The following LPAR1 variants were observed in gnomAD, a reference collection of about 807,000 sequenced individuals.
LPAR1 encodes lysophosphatidic acid receptor 1.
LPAR1 carries 5 observed loss-of-function variants against 23.8 expected under a neutral mutation model. The observed-to-expected ratio is 0.21, with a 90% CI of 0.11 to 0.44. The LOEUF is 0.44. Among genes scored for constraint, LPAR1 ranks in the 20% least tolerant of loss-of-function variants. LPAR1 has a pLI of 0.99. For missense variants in LPAR1, 311 were observed against 482.8 expected (o/e 0.64, Z 3.33); for synonymous variants, 160 against 164.7 (o/e 0.97, Z 0.22).
chr9:110,925,949 C>G (rs10980635), intron 5 of LPAR1, among the ~76,000 whole-genome samples: 45,813 of 151,962 alleles, frequency 0.3, 8,595 homozygotes, highest in Non-Finnish European at 0.43. Context: ...GAGTTGGACT[C>G]TCGCTCTGTC....
At chr9:110,961,617 C>CAAAAAAAAA (rs57773067) in intron 4 of LPAR1, among the ~76,000 whole-genome samples, 17 of 79,834 alleles carry the variant, frequency 2.1e-4, no homozygotes, top group Admixed American at 3.0e-4. Flanking sequence ...GAGACTATCT[C>CAAAAAAAAA]AAAAAAAAAA....
chr9:110,877,587 G>A (rs1425655261), intron 5 of LPAR1, among the ~76,000 whole-genome samples: 1 of 152,170 alleles, frequency 6.6e-6, no homozygotes, highest in Non-Finnish European at 1.5e-5. Flanking sequence ...AGCCAGGAAG[G>A]GAATTATTCT....
chr9:110,919,365 C>A (rs895087260), intron 5 of LPAR1, among the ~76,000 whole-genome samples: 1 of 152,086 alleles, frequency 6.6e-6, no homozygotes, highest in African/African-American at 2.4e-5. Flanking sequence ...CTTCCCTAGT[C>A]GAGCCTCCAC....
intron 5 of LPAR1, among the ~76,000 whole-genome samples, chr9:110,904,909 A>G (rs1259438585): frequency 6.6e-6 from 1 of 152,212 alleles, no homozygotes; most frequent in Non-Finnish European, 1.5e-5. Flanking sequence ...TGTATGACAC[A>G]CTCCAAGCTC....
At position 110,971,946 on chromosome 9, in the gene LPAR1, A is replaced by G. The variant is rs1410606490; in HGVS notation, c.45+127T>C. 8 of 810,236 alleles carry G rather than the reference A, an allele frequency of 9.9e-6. No homozygotes were observed. The East Asian group carries it at 1.7e-4, about 18-fold the overall frequency. The allele number at this position is 810,236 out of a possible 1,614,324, so 50.2% of individuals were successfully genotyped here. A position where few individuals can be genotyped will look rare whatever the true frequency, so the allele number is the denominator to read the frequency against. On this transcript the variant is annotated intron_variant, in intron 4 of 5. Coordinates refer to ENST00000683809, the MANE Select transcript of LPAR1 (RefSeq NM_001351411.2). ...CACTCACAAAAGCACCATTATTCGA[A>G]TACACACCAAATGATAGCGAGAGAG...
chr9:110,927,134 G>A (rs2094102077), intron 5 of LPAR1, among the ~76,000 whole-genome samples: 1 of 152,154 alleles, frequency 6.6e-6, no homozygotes, highest in African/African-American at 2.4e-5. Flanking sequence ...TAAGTGGATT[G>A]CCCAAAGTCA....
At chr9:110,918,117 T>G (rs558016230) in intron 5 of LPAR1, among the ~76,000 whole-genome samples, 1 of 152,182 alleles carries the variant, frequency 6.6e-6, no homozygotes, top group African/African-American at 2.4e-5. Context: ...GATGGGGTTT[T>G]TCCATGTCAT....
rs1426623826 is a variant in LPAR1 at position 110,963,017 on chromosome 9, G to T, written c.45+9056C>A. Among the ~76,000 whole-genome samples the T allele has an allele frequency of 2.6e-5, 4 of 152,162 alleles. No individual in the cohort carries two copies. The East Asian group carries it at 5.8e-4, about 22-fold the overall frequency. ...AGAAAGACAGCTGGAGAATCTAGGG[G>T]TATGAAAACGAGATTGGGCAAACAG... is the stretch of plus-strand genomic sequence containing the variant. On this transcript the variant is annotated intron_variant, in intron 4 of 5. Coordinates refer to ENST00000683809, the MANE Select transcript of LPAR1 (RefSeq NM_001351411.2).
At chr9:110,918,036 G>A (rs2766991) in intron 5 of LPAR1, among the ~76,000 whole-genome samples, 38 of 151,954 alleles carry the variant, frequency 2.5e-4, no homozygotes, top group African/African-American at 8.7e-4. Flanking sequence ...CCAAGTAGCT[G>A]GGACAAGAGG....
intron 5 of LPAR1, among the ~76,000 whole-genome samples, chr9:110,915,091 T>C (rs1477479828): frequency 6.6e-6 from 1 of 152,202 alleles, no homozygotes; most frequent in East Asian, 1.9e-4. Context: ...ATAATTTTGA[T>C]GGTTTTTAAA....
intron 5 of LPAR1, among the ~76,000 whole-genome samples, chr9:110,915,514 C>G (rs1364936642): frequency 6.6e-6 from 1 of 152,058 alleles, no homozygotes; most frequent in African/African-American, 2.4e-5. Context: ...CCATTGCACT[C>G]CAGCCTGGGA....
At chr9:110,905,269 G>C (rs150279682) in intron 5 of LPAR1, among the ~76,000 whole-genome samples, 3 of 152,260 alleles carry the variant, frequency 2.0e-5, no homozygotes, top group African/African-American at 7.2e-5. Flanking sequence ...CTTGAGAAGT[G>C]CTAGGTCATA....
At chr9:111,004,600 A>G (rs1271713268) in intron 2 of LPAR1, among the ~76,000 whole-genome samples, 2 of 152,066 alleles carry the variant, frequency 1.3e-5, no homozygotes, top group Non-Finnish European at 2.9e-5. Context: ...ATTTTGCCCT[A>G]CTCACAACAC....
At chr9:110,993,076 T>C (rs1226960211) in intron 2 of LPAR1, among the ~76,000 whole-genome samples, 1 of 152,202 alleles carries the variant, frequency 6.6e-6, no homozygotes, top group Admixed American at 6.5e-5. Flanking sequence ...AACATTCTCC[T>C]TAAATGGAAA....
chr9:111,006,954 T>A (rs930128236), intron 2 of LPAR1, among the ~76,000 whole-genome samples: 1 of 152,084 alleles, frequency 6.6e-6, no homozygotes, highest in Non-Finnish European at 1.5e-5. Context: ...CATGAATGGT[T>A]CTGGAACATT....
At chr9:111,030,137 C>T (rs6477803) in intron 2 of LPAR1, among the ~76,000 whole-genome samples, 121,025 of 151,918 alleles carry the variant, frequency 0.8, 48,437 homozygotes, top group East Asian at 0.95. Context: ...TGAAACTAAA[C>T]TGACAGCGTC....
chr9:110,997,712 T>C lies in LPAR1; in HGVS notation c.-181-24154A>G, dbSNP rs116183193. On this transcript the variant is annotated intron_variant, in intron 2 of 5. Transcript: ENST00000683809. ...ACATGCCATTATCTTAAATCAGAGT[T>C]CTTCACAGATACTTGGACTAGAACA... Among the ~76,000 whole-genome samples, 611 of 152,302 alleles carry C rather than the reference T, an allele frequency of 4.0e-3. 6 individuals carry two copies. The highest frequency in any genetic ancestry group is 0.014 in the African/African-American group (572 of 41,566).
intron 4 of LPAR1, among the ~76,000 whole-genome samples, chr9:110,957,781 G>T (rs1014133911): frequency 2.0e-5 from 3 of 152,136 alleles, no homozygotes; most frequent in Non-Finnish European, 4.4e-5. Flanking sequence ...AATTGGAAAA[G>T]AGGAAGGCAA....
intron 5 of LPAR1, among the ~76,000 whole-genome samples, chr9:110,888,665 G>A (rs2083112048): frequency 6.6e-6 from 1 of 152,058 alleles, no homozygotes; most frequent in Non-Finnish European, 1.5e-5. Flanking sequence ...ATTTTAGAGG[G>A]GAATAATATT....
Sources: gnomAD v4.1 joint callset for allele counts (sites outside exome capture counted in the v4.1 genomes callset) on GRCh38, gnomAD v4.1.1 for gene constraint, MANE v1.5 for transcripts, NCBI Gene and HGNC (gene_info 2026-07-23, HGNC 2026-07-21) for gene names.